Variants in L3MBTL2 observed in about 807,000 individuals in gnomAD.
The protein encoded by L3MBTL2 is lethal(3)malignant brain tumor-like protein 2.
L3MBTL2 carries 49 observed loss-of-function variants against 86.4 expected under a neutral mutation model. The ratio of observed to expected loss-of-function variants is 0.57; its 90% CI spans 0.45 to 0.72. The LOEUF is 0.72. Ranked by LOEUF, L3MBTL2 falls within the 30% of genes least tolerant of loss-of-function variation. The pLI, the probability that L3MBTL2 is intolerant of heterozygous loss-of-function variation, is 0.00. For missense variants in L3MBTL2, 755 were observed against 923.7 expected (o/e 0.82, Z 2.37); for synonymous variants, 336 against 350.6 (o/e 0.96, Z 0.47).
In L3MBTL2 at chr22:41,220,734, G is replaced by A. The variant is rs1423732742; in HGVS notation, c.719G>A (p.Gly240Glu). The change falls in exon 7 of 17, where the codon GGG becomes GAG. Residue 240 changes from glycine (G) to glutamate (E), a missense_variant and splice_region_variant. By Grantham distance (98) the Gly-to-Glu change is moderately conservative. Transcript: ENST00000216237. ...YWIASVIQTA[G>E]YRVLLRYEGF... ...CAGGTGCCCTTTCCTTTCCTTTCAG[G>A]GTATCGGGTGCTGCTTCGGTATGAA... 1.2e-6 allele frequency: 2 copies of A among 1,612,290 alleles called. No individual in the cohort carries two copies. The highest frequency in any genetic ancestry group is 1.1e-5 in the South Asian group (1 of 90,984).
intron 3 of L3MBTL2, among the ~76,000 whole-genome samples, chr22:41,214,959 C>T (rs1378726287): frequency 1.3e-5 from 2 of 151,786 alleles, no homozygotes. Context: ...TGCAGTGAGC[C>T]GAGATCGTGC....
intron 1 of L3MBTL2, chr22:41,208,287 A>C (rs555433497): frequency 4.5e-5 from 20 of 439,680 alleles, no homozygotes; most frequent in Non-Finnish European, 8.1e-5. Context: ...ATGCCACCAC[A>C]CCTGGCTAAT....
At chr22:41,220,060 G>C (rs1455670992) in intron 6 of L3MBTL2, among the ~76,000 whole-genome samples, 1 of 152,106 alleles carries the variant, frequency 6.6e-6, no homozygotes, top group East Asian at 1.9e-4. Flanking sequence ...TTTAAAGTTT[G>C]TTCCAGGGCC....
chr22:41,224,592 T>G lies in L3MBTL2; in HGVS notation c.1175-133T>G. 1 of 673,302 alleles carries G rather than the reference T, an allele frequency of 1.5e-6. No individual in the cohort carries two copies. The highest frequency in any genetic ancestry group is 1.8e-5 in the African/African-American group (1 of 55,688). 41.7% of individuals were successfully genotyped at this position (673,302 alleles called of 1,614,324 possible). On this transcript the variant is annotated intron_variant, in intron 9 of 16. Coordinates refer to ENST00000216237, the MANE Select transcript of L3MBTL2 (RefSeq NM_031488.5). The surrounding 1 kb of genome is among the most constrained non-coding windows in gnomAD (Gnocchi z 4.9). ...CTGTCTGCTACTCTGGGGTGGGGGG[T>G]CCTGAGATACAGAGATACAGCTGAG...
chr22:41,208,473 T>G (rs2030431498), intron 1 of L3MBTL2: 1 of 274,388 alleles, frequency 3.6e-6, no homozygotes, highest in African/African-American at 2.3e-5. Context: ...TTCATATACA[T>G]TATCTCATTT....
chr22:41,226,693 CTACTTGGAGAAGACCAAG>C lies in L3MBTL2; in HGVS notation c.1538_1555del (p.Tyr513_Lys518del). On this transcript the variant is annotated inframe_deletion, in exon 13 of 17. Transcript: ENST00000216237. ...AGGCACAGACTTTCAACTGGGAGAA[CTACTTGGAGAAGACCAAG>C]TCGAAAGCCGCTCCATCGAGACTCT... 1 of 1,614,020 alleles carries C rather than the reference CTACTTGGAGAAGACCAAG, an allele frequency of 6.2e-7. No individual in the cohort carries two copies. The highest frequency in any genetic ancestry group is 8.5e-7 in the Non-Finnish European group (1 of 1,179,872).
chr22:41,205,987 C>CT (rs774301733), intron 1 of L3MBTL2: 135 of 146,150 alleles, frequency 9.2e-4, no homozygotes, highest in South Asian at 2.2e-3. Flanking sequence ...CCCACTCATC[C>CT]TTTTTTTTTT....
At position 41,209,847 on chromosome 22, in the gene L3MBTL2, G is replaced by C. The variant is rs200847631; in HGVS notation, c.176G>C (p.Arg59Pro). The C allele has an allele frequency of 1.9e-6, 3 of 1,614,048 alleles. No individual in the cohort carries two copies. The highest frequency in any genetic ancestry group is 2.7e-5 in the African/African-American group (2 of 74,918). The stretch of plus-strand genomic sequence containing the variant: ...TCAAGTGAAGCAGAAAATGAGGATC[G>C]GGAAGCAGGGGAACTGCCGACCTCC... ...EESSEAENED[R>P]EAGELPTSPL... The change falls in exon 2 of 17, where the codon CGG (arginine) becomes CCG (proline). Residue 59 changes from arginine (R) to proline (P), a missense_variant. By Grantham distance (103) the Arg-to-Pro change is moderately radical. This residue lies in a region of L3MBTL2 where 103 missense variants were observed against 105.2 expected (regional missense o/e 0.98). Transcript: ENST00000216237.
Position 41,205,326 on chromosome 22 carries a change from T to A in L3MBTL2, c.-37T>A, listed in dbSNP as rs571026694. 6.2e-7 allele frequency: 1 copy of A among 1,613,880 alleles called. No individual in the cohort carries two copies. The highest frequency in any genetic ancestry group is 1.1e-5 in the South Asian group (1 of 91,076). ...AGCGACGGGGCAGGCCAATATGGCTTCCTGCACCTGGTGACGCTTGGCGAA... is the reference window on the plus strand; with the variant it reads ...AGCGACGGGGCAGGCCAATATGGCTACCTGCACCTGGTGACGCTTGGCGAA... On this transcript the variant is annotated 5_prime_UTR_variant, in exon 1 of 17. Coordinates refer to ENST00000216237, the MANE Select transcript of L3MBTL2 (RefSeq NM_031488.5).
Position 41,225,709 on chromosome 22 carries a change from C to T in L3MBTL2, c.1357-85C>T, listed in dbSNP as rs768621685. On this transcript the variant is annotated intron_variant, in intron 11 of 16. Coordinates refer to ENST00000216237, the MANE Select transcript of L3MBTL2 (RefSeq NM_031488.5). This position sits in a 1 kb window ranked among gnomAD's most constrained non-coding sequence, Gnocchi z 4.1. ...TAGATCCGTTTGGATCCATTTGCCT[C>T]GTGTCCCTATTGGGGTGCGGTACCA... is the stretch of plus-strand genomic sequence containing the variant. 2.6e-5 allele frequency: 38 copies of T among 1,436,522 alleles called. No homozygotes were observed. Among genetic ancestry groups the T allele is most frequent in the Non-Finnish European group, 3.1e-5 (33 of 1,052,836 alleles). The allele number at this position is 1,436,522 out of a possible 1,614,324, so 89.0% of individuals were successfully genotyped here.
Position 41,230,553 on chromosome 22 carries a change from T to C in L3MBTL2, c.*302T>C. 1 of 396,734 alleles carries C rather than the reference T, an allele frequency of 2.5e-6. No homozygotes were observed. The highest frequency in any genetic ancestry group is 4.6e-6 in the Non-Finnish European group (1 of 217,398). The allele number at this position is 396,734 out of a possible 1,614,324, so 24.6% of individuals were successfully genotyped here. A position where few individuals can be genotyped will look rare whatever the true frequency, so the allele number is the denominator to read the frequency against. On this transcript the variant is annotated 3_prime_UTR_variant, in exon 17 of 17. Coordinates refer to ENST00000216237, the MANE Select transcript of L3MBTL2 (RefSeq NM_031488.5). ...GGAACGCTAGCTGCCTGCTCTTCCT[T>C]AAGATGGCCTCCCCCCGACCCGCCA...
In L3MBTL2 at chr22:41,227,763, AC is replaced by A. The variant is rs750574408; in HGVS notation, c.1823-38del. The A allele has an allele frequency of 1.9e-6, 3 of 1,612,484 alleles. No individual in the cohort carries two copies. Among genetic ancestry groups the A allele is most frequent in the Non-Finnish European group, 2.5e-6 (3 of 1,179,242 alleles). On this transcript the variant is annotated intron_variant, in intron 14 of 16. Coordinates refer to ENST00000216237, the MANE Select transcript of L3MBTL2 (RefSeq NM_031488.5). The surrounding 1 kb of genome is among the most constrained non-coding windows in gnomAD (Gnocchi z 6.0). ...GCCTGTGCCCTGTGTCCTCCCAGGGACCCTCTTCTCATCTCTTTCACCCTTG... is the reference window on the plus strand; with the variant it reads ...GCCTGTGCCCTGTGTCCTCCCAGGGACCTCTTCTCATCTCTTTCACCCTTG...
At chr22:41,229,823 C>T in intron 16 of L3MBTL2, 167 bp downstream of exon 16, 1 of 1,171,520 alleles carries the variant, frequency 8.5e-7, no homozygotes, top group South Asian at 1.3e-5. Flanking sequence ...CCCAGACACG[C>T]CCCCAACTGT....
intron 2 of L3MBTL2, among the ~76,000 whole-genome samples, chr22:41,212,038 T>G (rs1180644744): frequency 6.7e-6 from 1 of 149,524 alleles, no homozygotes; most frequent in Non-Finnish European, 1.5e-5. Context: ...TAATTTTTTG[T>G]ATTTTTTAGT....
intron 7 of L3MBTL2, 35 bp downstream of exon 7, chr22:41,220,903 G>A (rs371349672): frequency 2.5e-5 from 40 of 1,596,368 alleles, no homozygotes; most frequent in Admixed American, 6.7e-5. Flanking sequence ...TCTTGTTCCC[G>A]TAGGGCCCCT....
intron 13 of L3MBTL2, 86 bp downstream of exon 13, chr22:41,226,830 C>A: frequency 9.7e-7 from 1 of 1,026,438 alleles, no homozygotes; most frequent in Non-Finnish European, 1.5e-6. Flanking sequence ...AGTTCCTACT[C>A]TTTCTCTCGA....
In L3MBTL2 at chr22:41,230,927, A is replaced by G. The variant is rs1277603398; in HGVS notation, c.*676A>G. 2 of 152,092 alleles carry G rather than the reference A, an allele frequency of 1.3e-5. No homozygotes were observed. Among genetic ancestry groups the G allele is most frequent in the African/African-American group, 4.8e-5 (2 of 41,396 alleles). The allele number at this position is 152,092 out of a possible 1,614,324, so 9.4% of individuals were successfully genotyped here. On this transcript the variant is annotated 3_prime_UTR_variant, in exon 17 of 17. Coordinates refer to ENST00000216237, the MANE Select transcript of L3MBTL2 (RefSeq NM_031488.5). ...TCTGTGTTTGTGAGGACTGACTCCC[A>G]TTTCCTAAAGGAAATGCCCCCGGGG...
intron 3 of L3MBTL2, among the ~76,000 whole-genome samples, chr22:41,215,799 T>G (rs994625173): frequency 6.6e-6 from 1 of 152,224 alleles, no homozygotes; most frequent in Admixed American, 6.6e-5. Context: ...TCTGGGCCCC[T>G]GTGAGGCCCA....
chr22:41,210,995 C>T (rs978370708), intron 2 of L3MBTL2, among the ~76,000 whole-genome samples: 8 of 152,018 alleles, frequency 5.3e-5, no homozygotes, highest in African/African-American at 1.2e-4. Flanking sequence ...AGGTAATACA[C>T]GATAAAGTGA....
Sources: allele counts gnomAD v4.1 joint callset (sites outside exome capture counted in the v4.1 genomes callset), GRCh38; gene constraint gnomAD v4.1.1; regional missense constraint gnomAD v4.1.1; non-coding constraint Gnocchi (gnomAD v3.1); transcripts MANE v1.5; gene names NCBI Gene and HGNC (gene_info 2026-07-23, HGNC 2026-07-21).